Variants in BDH1 observed in about 807,000 individuals in gnomAD.
BDH1 encodes the protein D-beta-hydroxybutyrate dehydrogenase, mitochondrial.
A neutral mutation model predicts 33.1 loss-of-function variants in BDH1; 30 were observed. That is an observed-to-expected ratio of 0.91 (90% CI 0.68 to 1.23). The LOEUF (loss-of-function observed/expected upper bound fraction) is 1.23. Ranked by LOEUF, BDH1 falls within the 50% of genes most tolerant of loss-of-function variation. BDH1 has a pLI of 0.00. For missense variants in BDH1, 443 were observed against 464.4 expected, an observed-to-expected ratio of 0.95 and a Z score of 0.42; for synonymous variants, 190 against 183.6, an observed-to-expected ratio of 1.03 and a Z score of -0.28.
rs750811753 is a variant in BDH1, at chr3:197,553,527, CAA to C, written c.-44+1033_-44+1034del. Among the ~76,000 whole-genome samples, 231 of 97,066 alleles carry C rather than the reference CAA, an allele frequency of 2.4e-3. 1 individual carries two copies. Among genetic ancestry groups the C allele is most frequent in the African/African-American group, 4.9e-3 (126 of 25,970 alleles). 63.7% of individuals were successfully genotyped at this position (97,066 alleles called of 152,430 possible). On this transcript the variant is annotated intron_variant, in intron 2 of 7. Coordinates refer to ENST00000392379, the MANE Select transcript of BDH1 (RefSeq NM_203314.3). ...CTGGCAACAGAGCAAGACTCTGTCT[CAA>C]AAAAAAAAAAAAAAAAAGAAGAGTT...
chr3:197,532,368 CTA>C (rs763067152), intron 5 of BDH1, 42 bp downstream of exon 5: 28 of 1,537,278 alleles, frequency 1.8e-5, no homozygotes, highest in African/African-American at 4.1e-5. Context: ...AAAACAATGA[CTA>C]TGTGTAAAAG....
upstream of BDH1, among the ~76,000 whole-genome samples, chr3:197,557,557 C>T (rs976817818): frequency 1.3e-5 from 2 of 152,156 alleles, no homozygotes; most frequent in African/African-American, 2.4e-5. This position sits in a 1 kb window ranked among gnomAD's most constrained non-coding sequence, Gnocchi z 4.6. Context: ...CCAGCCTGGC[C>T]AATGTGGTGA....
Position 197,564,992 on chromosome 3 carries a change from C to T in BDH1, c.-44+8189G>A, listed in dbSNP as rs749480540. On this transcript the variant is annotated intron_variant, in intron 1 of 6. Coordinates refer to the BDH1 transcript ENST00000358186. The stretch of plus-strand genomic sequence containing the variant: ...GGCTAGGGTGCAATGGTGCAATCTC[C>T]GCTCACTGCAACCTCCACCTCCAAG... 5.9e-5 allele frequency among the ~76,000 whole-genome samples: 9 copies of T among 152,126 alleles called. No homozygotes were observed. In the East Asian group the frequency reaches 9.7e-4, roughly 16 times the overall value.
chr3:197,531,250 G>C (rs1560319786), intron 5 of BDH1, among the ~76,000 whole-genome samples: 1 of 151,682 alleles, frequency 6.6e-6, no homozygotes, highest in Non-Finnish European at 1.5e-5. Flanking sequence ...ACAAAAATTA[G>C]GTGGGCATGG....
rs373000431 is a variant in BDH1, at chr3:197,569,340, CAG to C, written c.-44+3839_-44+3840del. 1.2e-3 allele frequency among the ~76,000 whole-genome samples: 188 copies of C among 152,136 alleles called. 2 individuals are homozygous for C. In the South Asian group the frequency reaches 0.022, roughly 18 times the overall value. On this transcript the variant is annotated intron_variant, in intron 1 of 6. Coordinates refer to the BDH1 transcript ENST00000358186. ...GGCATCATTCATGTGGATAATCCAA[CAG>C]AAGCTGGAATGGCTTTGTTACACAG...
At chr3:197,543,174 C>T (rs779948252) in intron 3 of BDH1, 7 of 985,266 alleles carry the variant, frequency 7.1e-6, no homozygotes, top group Non-Finnish European at 8.4e-6. Context: ...TCTAACAAGA[C>T]GGGGCTTAGG....
upstream of BDH1, among the ~76,000 whole-genome samples, chr3:197,560,960 C>A (rs866981819): frequency 2.2e-4 from 34 of 152,290 alleles, no homozygotes; most frequent in Middle Eastern, 0.01. Context: ...CTTTCTGGGC[C>A]AAATCAATGT....
intron 1 of BDH1, chr3:197,555,211 T>TCC (rs1231895918): frequency 6.5e-6 from 1 of 153,330 alleles, no homozygotes; most frequent in Non-Finnish European, 1.5e-5. Context: ...GAGGGAGGAC[T>TCC]CCCCAAACCC....
chr3:197,542,888 C>T (rs957286627), intron 3 of BDH1, among the ~76,000 whole-genome samples: 1 of 152,086 alleles, frequency 6.6e-6, no homozygotes, highest in Non-Finnish European at 1.5e-5. Context: ...ACGAGAGCTT[C>T]CTGATTTTTG....
chr3:197,541,821 A>G lies in BDH1; in HGVS notation c.83+4540T>C, dbSNP rs142357998. Among the ~76,000 whole-genome samples the G allele has an allele frequency of 1.8e-3, 270 of 152,304 alleles. 2 individuals carry two copies. The highest frequency in any genetic ancestry group is 6.4e-3 in the African/African-American group (265 of 41,562). On this transcript the variant is annotated intron_variant, in intron 3 of 7. Transcript: ENST00000392379. ...TACAGGAAAAGAAAAACAAAGACCT[A>G]TCCCCAGGGGGTTCCCCTTTGAGCC...
chr3:197,539,134 G>A (rs1179849092), intron 3 of BDH1, among the ~76,000 whole-genome samples: 2 of 152,070 alleles, frequency 1.3e-5, no homozygotes, highest in Non-Finnish European at 2.9e-5. Context: ...TTTTTGAGAT[G>A]GAGTTATATT....
chr3:197,572,273 C>T (rs1027099772), intron 1 of BDH1, among the ~76,000 whole-genome samples: 4 of 152,106 alleles, frequency 2.6e-5, no homozygotes, highest in African/African-American at 9.7e-5. Flanking sequence ...GGGTAATCAC[C>T]CCAGCACCTT....
chr3:197,555,633 G>C (rs7626667), intron 1 of BDH1, 148 bp downstream of exon 1: 1 of 152,292 alleles, frequency 6.6e-6, no homozygotes, highest in African/African-American at 2.4e-5. Flanking sequence ...CGCTGCGGCC[G>C]CAGGGCTCGG....
chr3:197,540,391 C>G lies in BDH1; in HGVS notation c.83+5970G>C, dbSNP rs530655243. Among the ~76,000 whole-genome samples the G allele has an allele frequency of 2.3e-4, 33 of 146,472 alleles. No homozygotes were observed. The South Asian group carries it at 7.0e-3, about 31-fold the overall frequency. On this transcript the variant is annotated intron_variant, in intron 3 of 7. Coordinates refer to ENST00000392379, the MANE Select transcript of BDH1 (RefSeq NM_203314.3). ...TTAAAAGTAACAAAAAGGTTGTGGC[C>G]GGGAGCGGTGGCTCACACCTGTAAT... is the stretch of plus-strand genomic sequence containing the variant.
chr3:197,533,467 G>A (rs766469224), intron 4 of BDH1, 22 bp downstream of exon 4: 17 of 1,612,908 alleles, frequency 1.1e-5, no homozygotes, highest in Middle Eastern at 1.7e-4. Flanking sequence ...ACTGGCTCCC[G>A]GGTAGCTGGG....
At chr3:197,566,872 A>T (rs1283300511) in intron 1 of BDH1, among the ~76,000 whole-genome samples, 1 of 152,118 alleles carries the variant, frequency 6.6e-6, no homozygotes, top group Non-Finnish European at 1.5e-5. Flanking sequence ...ATTTGGAGTC[A>T]CTGAAAACTG....
chr3:197,551,187 T>A (rs1005448258), intron 2 of BDH1, among the ~76,000 whole-genome samples: 2 of 152,238 alleles, frequency 1.3e-5, no homozygotes, highest in Admixed American at 6.5e-5. Context: ...TTGGTACCCA[T>A]TGACCATCCC....
At chr3:197,571,097 G>T (rs1717591497) in intron 1 of BDH1, among the ~76,000 whole-genome samples, 1 of 152,210 alleles carries the variant, frequency 6.6e-6, no homozygotes. Flanking sequence ...AGATTTGGCT[G>T]CCCTGCTGGA....
intron 3 of BDH1, among the ~76,000 whole-genome samples, chr3:197,536,177 A>G (rs1715137130): frequency 6.6e-6 from 1 of 152,178 alleles, no homozygotes; most frequent in Admixed American, 6.5e-5. Flanking sequence ...TGAAAACGTT[A>G]TCTTTCCTCT....
Sources: allele counts gnomAD v4.1 joint callset (sites outside exome capture counted in the v4.1 genomes callset), GRCh38; gene constraint gnomAD v4.1.1; non-coding constraint Gnocchi (gnomAD v3.1); transcripts MANE v1.5; gene names NCBI Gene and HGNC (gene_info 2026-07-23, HGNC 2026-07-21).